Variants in MYO3B observed in about 807,000 individuals in gnomAD.
MYO3B encodes myosin-IIIb.
MYO3B carries 156 observed loss-of-function variants against 174.6 expected under a neutral mutation model. The observed-to-expected ratio is 0.89, with a 90% CI of 0.78 to 1.02. MYO3B has a LOEUF of 1.02. Ranked by LOEUF, MYO3B falls within the 50% of genes least tolerant of loss-of-function variation. The probability of loss-of-function intolerance (pLI) is 0.00; values close to 1 mark genes in which losing one functional copy is unlikely to be tolerated. For missense variants in MYO3B, 1,632 were observed against 1,639.4 expected, an observed-to-expected ratio of 1.00 and a Z score of 0.08; for synonymous variants, 563 against 569.1, an observed-to-expected ratio of 0.99 and a Z score of 0.15.
chr2:170,319,944 A>G (rs1024865272), intron 7 of MYO3B, among the ~76,000 whole-genome samples: 19 of 152,214 alleles, frequency 1.2e-4, no homozygotes, highest in Non-Finnish European at 2.5e-4. Flanking sequence ...AAAAAAATGA[A>G]GTTAAAATAA....
At chr2:170,236,692 G>A (rs1209408307) in intron 7 of MYO3B, among the ~76,000 whole-genome samples, 1 of 152,148 alleles carries the variant, frequency 6.6e-6, no homozygotes, top group African/African-American at 2.4e-5. Context: ...ATTCATTAGT[G>A]GTTTGTACAA....
chr2:170,633,323 A>T (rs941210102), intron 32 of MYO3B, among the ~76,000 whole-genome samples: 1 of 152,266 alleles, frequency 6.6e-6, no homozygotes, highest in Non-Finnish European at 1.5e-5. Flanking sequence ...AACATACGCA[A>T]ATCAATAAAC....
At chr2:170,436,995 G>A (rs910690238) in intron 22 of MYO3B, among the ~76,000 whole-genome samples, 3 of 152,134 alleles carry the variant, frequency 2.0e-5, no homozygotes, top group Non-Finnish European at 4.4e-5. Flanking sequence ...CCCTGCTCTA[G>A]TCCTGTGTTG....
intron 22 of MYO3B, among the ~76,000 whole-genome samples, chr2:170,430,452 A>G (rs1216495746): frequency 6.6e-6 from 1 of 151,072 alleles, no homozygotes; most frequent in African/African-American, 2.4e-5. Context: ...GCTTACTGCA[A>G]TCTCCGCCTC....
intron 6 of MYO3B, among the ~76,000 whole-genome samples, chr2:170,234,712 C>T (rs76418775): frequency 4.6e-5 from 7 of 152,316 alleles, no homozygotes; most frequent in African/African-American, 1.7e-4. Flanking sequence ...CTGTCTTCCT[C>T]ATCTTAGTAA....
At chr2:170,190,557 A>T (rs565748018) in intron 1 of MYO3B, among the ~76,000 whole-genome samples, 22 of 152,184 alleles carry the variant, frequency 1.4e-4, no homozygotes, top group Middle Eastern at 3.4e-3. Flanking sequence ...GCTGGCACCC[A>T]AGCCACAAGA....
At chr2:170,462,694 C>T (rs1245548575) in intron 23 of MYO3B, among the ~76,000 whole-genome samples, 1 of 152,274 alleles carries the variant, frequency 6.6e-6, no homozygotes, top group Non-Finnish European at 1.5e-5. Context: ...CTCTGCAAAC[C>T]AAAGCAGGGT....
intron 9 of MYO3B, among the ~76,000 whole-genome samples, chr2:170,376,742 A>G (rs527859874): frequency 1.3e-5 from 2 of 152,080 alleles, no homozygotes; most frequent in Non-Finnish European, 2.9e-5. Context: ...GGTGTGGAGG[A>G]GCAGAGGCAG....
chr2:170,249,265 A>G (rs1195675313), intron 7 of MYO3B, among the ~76,000 whole-genome samples: 2 of 152,182 alleles, frequency 1.3e-5, no homozygotes, highest in African/African-American at 2.4e-5. Flanking sequence ...ACAGAGTAAC[A>G]TCAACTCCCT....
At chr2:170,630,634 G>A (rs1696873730) in intron 32 of MYO3B, among the ~76,000 whole-genome samples, 1 of 152,212 alleles carries the variant, frequency 6.6e-6, no homozygotes, top group Admixed American at 6.5e-5. Flanking sequence ...CTAACTAGGA[G>A]ACACCTCCCA....
intron 32 of MYO3B, among the ~76,000 whole-genome samples, chr2:170,592,723 C>G (rs1559142632): frequency 6.6e-6 from 1 of 151,996 alleles, no homozygotes; most frequent in Non-Finnish European, 1.5e-5. Context: ...TCCTTGGTGC[C>G]CATCACATGG....
chr2:170,423,540 G>A (rs942108256), intron 22 of MYO3B, among the ~76,000 whole-genome samples: 2 of 148,496 alleles, frequency 1.3e-5, no homozygotes, highest in African/African-American at 4.9e-5. Flanking sequence ...CTCCCAGTGT[G>A]TAAGAGACAT....
chr2:170,245,640 G>T (rs1363083684), intron 7 of MYO3B, among the ~76,000 whole-genome samples: 1 of 152,154 alleles, frequency 6.6e-6, no homozygotes, highest in Non-Finnish European at 1.5e-5. Flanking sequence ...TACCATTCTT[G>T]AGCAACCATG....
At chr2:170,330,520 A>T (rs2093904372) in intron 7 of MYO3B, among the ~76,000 whole-genome samples, 1 of 152,120 alleles carries the variant, frequency 6.6e-6, no homozygotes, top group African/African-American at 2.4e-5. Context: ...ATTTAATAGG[A>T]TTATTGCAAT....
intron 7 of MYO3B, among the ~76,000 whole-genome samples, chr2:170,299,371 C>T (rs1400209650): frequency 6.6e-6 from 1 of 152,146 alleles, no homozygotes; most frequent in Non-Finnish European, 1.5e-5. Flanking sequence ...TGGACATTGC[C>T]ACTGGCTTGT....
rs551612235 is a variant in MYO3B, at chr2:170,526,591, A to G, written c.3575+7051A>G. On this transcript the variant is annotated intron_variant, in intron 30 of 34. Coordinates refer to ENST00000408978, the MANE Select transcript of MYO3B (RefSeq NM_138995.5). ...TTGGGTTCAGGAGTCACCCTTACCA[A>G]CATTGCCAGCATGACATTATCATAC... Among the ~76,000 whole-genome samples, 90 of 152,322 alleles carry G rather than the reference A, an allele frequency of 5.9e-4. 1 individual carries two copies. The highest frequency in any genetic ancestry group is 1.1e-3 in the Non-Finnish European group (73 of 68,020).
chr2:170,526,377 T>G (rs879733996), intron 30 of MYO3B, among the ~76,000 whole-genome samples: 8 of 152,356 alleles, frequency 5.3e-5, no homozygotes, highest in Non-Finnish European at 1.2e-4. Context: ...AAAAGTTTTC[T>G]GTAAAGTTAA....
intron 25 of MYO3B, among the ~76,000 whole-genome samples, chr2:170,488,820 A>AT (rs1485415783): frequency 6.6e-6 from 1 of 152,236 alleles, no homozygotes; most frequent in East Asian, 1.9e-4. Context: ...TCAGGAAGTT[A>AT]TTTTAAAGAC....
intron 32 of MYO3B, among the ~76,000 whole-genome samples, chr2:170,642,011 C>T (rs1401702033): frequency 6.6e-6 from 1 of 152,036 alleles, no homozygotes; most frequent in Non-Finnish European, 1.5e-5. Context: ...AGACTGATTT[C>T]ATCTACCTCT....
Sources: allele counts gnomAD v4.1 joint callset (sites outside exome capture counted in the v4.1 genomes callset), GRCh38; gene constraint gnomAD v4.1.1; transcripts MANE v1.5; gene names NCBI Gene and HGNC (gene_info 2026-07-23, HGNC 2026-07-21).